PPHLN1: variants seen among roughly 807,000 people sequenced by gnomAD.
PPHLN1 encodes periphilin 1.
Under a neutral mutation model 51.3 loss-of-function variants are expected in PPHLN1, and 29 were observed. The observed-to-expected ratio is 0.57, with a 90% CI of 0.42 to 0.77. The LOEUF (loss-of-function observed/expected upper bound fraction) is 0.77. PPHLN1 is among the 30% of genes least tolerant of loss of function. The pLI is 0.00. For synonymous variants in PPHLN1, 147 were observed against 147.8 expected (o/e 0.99, Z 0.04); for missense variants, 436 against 438.4 (o/e 0.99, Z 0.05).
chr12:42,431,472 A>T (rs1160996236), intron 9 of PPHLN1, among the ~76,000 whole-genome samples: 1 of 152,166 alleles, frequency 6.6e-6, no homozygotes, highest in Non-Finnish European at 1.5e-5. Flanking sequence ...ACATCTGATG[A>T]TTTATAACCC....
At chr12:42,394,339 A>G (rs1022065983) in intron 8 of PPHLN1, among the ~76,000 whole-genome samples, 4 of 152,130 alleles carry the variant, frequency 2.6e-5, no homozygotes, top group South Asian at 2.1e-4. Context: ...ATTTGATACT[A>G]TAGGAATTCT....
intron 5 of PPHLN1, among the ~76,000 whole-genome samples, chr12:42,376,968 A>T (rs2076320725): frequency 6.6e-6 from 1 of 152,196 alleles, no homozygotes; most frequent in Admixed American, 6.5e-5. Flanking sequence ...ACATAAAAAA[A>T]ACCTTAAGAA....
downstream of PPHLN1, chr12:42,446,126 A>T (rs1355045701): frequency 6.4e-7 from 1 of 1,569,708 alleles, no homozygotes; most frequent in Non-Finnish European, 8.6e-7. Flanking sequence ...GGTTCGTCGG[A>T]CGACACAGCT....
chr12:42,383,908 C>T (rs754990133), intron 5 of PPHLN1, among the ~76,000 whole-genome samples: 11 of 136,872 alleles, frequency 8.0e-5, no homozygotes, highest in Non-Finnish European at 1.2e-4. Context: ...TGCTTGAACC[C>T]GGGGGGCGGA....
intron 9 of PPHLN1, among the ~76,000 whole-genome samples, chr12:42,426,439 G>A (rs1192333751): frequency 6.6e-6 from 1 of 152,098 alleles, no homozygotes; most frequent in African/African-American, 2.4e-5. Flanking sequence ...GAGTGAATTT[G>A]AAATCTAGGC....
chr12:42,348,776 A>T (rs2072755441), intron 2 of PPHLN1, among the ~76,000 whole-genome samples: 1 of 152,142 alleles, frequency 6.6e-6, no homozygotes, highest in South Asian at 2.1e-4. Context: ...TTCAATTAGA[A>T]ATGATGTAAA....
intron 2 of PPHLN1, among the ~76,000 whole-genome samples, chr12:42,337,235 T>C (rs367848436): frequency 1.3e-5 from 2 of 151,990 alleles, no homozygotes; most frequent in African/African-American, 2.4e-5. Context: ...TATATCCCAT[T>C]AGGAATTGTT....
intron 4 of PPHLN1, among the ~76,000 whole-genome samples, chr12:42,372,567 A>G (rs1418842783): frequency 6.6e-6 from 1 of 152,012 alleles, no homozygotes; most frequent in Non-Finnish European, 1.5e-5. Context: ...TCTCCTTTCT[A>G]ATGTTTCTCT....
downstream of PPHLN1, chr12:42,445,993 C>T (rs368298242): frequency 8.6e-5 from 130 of 1,518,158 alleles, 1 homozygote; most frequent in African/African-American, 1.3e-3. Flanking sequence ...GATTCCAGCA[C>T]GACGCATCAA....
chr12:42,387,616 A>G, intron 7 of PPHLN1, 81 bp downstream of exon 7: 1 of 1,486,454 alleles, frequency 6.7e-7, no homozygotes, highest in Non-Finnish European at 9.0e-7. Flanking sequence ...TTTATTCTTT[A>G]CTGTTATGCC....
intron 9 of PPHLN1, among the ~76,000 whole-genome samples, chr12:42,423,013 G>A (rs189888628): frequency 6.6e-6 from 1 of 152,280 alleles, no homozygotes; most frequent in East Asian, 1.9e-4. Context: ...ATGACTAGTT[G>A]ATGTAATAAT....
chr12:42,357,621 C>T (rs2074189944), intron 4 of PPHLN1, among the ~76,000 whole-genome samples: 1 of 152,124 alleles, frequency 6.6e-6, no homozygotes, highest in Non-Finnish European at 1.5e-5. Flanking sequence ...ATGTGAAAGG[C>T]AGAATTGTAA....
intron 4 of PPHLN1, among the ~76,000 whole-genome samples, chr12:42,364,642 C>A (rs1319583039): frequency 6.6e-6 from 1 of 151,928 alleles, no homozygotes; most frequent in Non-Finnish European, 1.5e-5. Context: ...TTTAAAAAGG[C>A]CAGGCAGGTG....
intron 7 of PPHLN1, among the ~76,000 whole-genome samples, chr12:42,389,024 G>A (rs2077438002): frequency 6.6e-6 from 1 of 152,060 alleles, no homozygotes; most frequent in East Asian, 1.9e-4. Flanking sequence ...GGATCATGAG[G>A]TCAGGAGGTC....
intron 8 of PPHLN1, among the ~76,000 whole-genome samples, chr12:42,396,011 TC>T (rs756831485): frequency 2.0e-5 from 3 of 152,188 alleles, no homozygotes; most frequent in African/African-American, 4.8e-5. Context: ...ACTTTCATCT[TC>T]TGGGCTCTAC....
intron 1 of PPHLN1, among the ~76,000 whole-genome samples, chr12:42,327,134 G>A (rs1314141903): frequency 6.6e-6 from 1 of 152,208 alleles, no homozygotes; most frequent in East Asian, 1.9e-4. Flanking sequence ...GTAAGCTTCT[G>A]TGGTCTTCTG....
downstream of PPHLN1, chr12:42,447,293 A>G (rs892973174): frequency 1.3e-5 from 2 of 152,248 alleles, no homozygotes; most frequent in Non-Finnish European, 2.9e-5. Context: ...TAACATGTCC[A>G]TGATTAAACT....
At chr12:42,345,647 A>G (rs1314815168) in intron 2 of PPHLN1, among the ~76,000 whole-genome samples, 1 of 150,920 alleles carries the variant, frequency 6.6e-6, no homozygotes, top group Non-Finnish European at 1.5e-5. Flanking sequence ...GTATGTAGAT[A>G]TTTTTAATAA....
chr12:42,420,042 T>C (rs2080842820), intron 9 of PPHLN1, among the ~76,000 whole-genome samples: 1 of 152,186 alleles, frequency 6.6e-6, no homozygotes, highest in Non-Finnish European at 1.5e-5. Flanking sequence ...TAACATGACT[T>C]CTTTGCCATC....
Sources: gnomAD v4.1 joint callset for allele counts (sites outside exome capture counted in the v4.1 genomes callset) on GRCh38, gnomAD v4.1.1 for gene constraint, MANE v1.5 for transcripts, NCBI Gene and HGNC (gene_info 2026-07-23, HGNC 2026-07-21) for gene names.